Variants in SEMA3B observed in about 807,000 individuals in gnomAD.
SEMA3B encodes the protein semaphorin-3B.
SEMA3B carries 71 observed loss-of-function variants against 77.8 expected under a neutral mutation model. That is an observed-to-expected ratio of 0.91 (90% CI 0.75 to 1.11). SEMA3B has a LOEUF of 1.11. Among genes scored for constraint, SEMA3B ranks in the 50% most tolerant of loss-of-function variants. The pLI, the probability that SEMA3B is intolerant of heterozygous loss-of-function variation, is 0.00. For synonymous variants in SEMA3B, 470 were observed against 452.9 expected (o/e 1.04, Z -0.48); for missense variants, 968 against 1,056.8 (o/e 0.92, Z 1.17).
In SEMA3B at chr3:50,270,224, G is replaced by A; in HGVS notation, c.207G>A (p.Val69=). 1 of 1,611,924 alleles carries A rather than the reference G, an allele frequency of 6.2e-7. No homozygotes were observed. Among genetic ancestry groups the A allele is most frequent in the Non-Finnish European group, 8.5e-7 (1 of 1,179,320 alleles). ...LVDEERGRLF[V]GAENHVASLN... ...ATGAGGAGCGTGGACGCCTGTTTGT[G>A]GGTGCCGAGAACCATGTGGCCTCCC... The change falls in exon 2 of 17, where the codon GTG becomes GTA. Residue 69 remains valine, a synonymous_variant. Coordinates refer to ENST00000616701, the MANE Select transcript of SEMA3B (RefSeq NM_001290060.2). The surrounding 1 kb of genome is among the most constrained non-coding windows in gnomAD (Gnocchi z 4.7).
At chr3:50,264,593 G>A (rs1401334870), upstream of SEMA3B, among the ~76,000 whole-genome samples, 2 of 152,176 alleles carry the variant, frequency 1.3e-5, no homozygotes, top group Admixed American at 6.5e-5. Context: ...CTCCCCCAGA[G>A]CATTCAGAGC....
chr3:50,270,074 G>A lies in SEMA3B; in HGVS notation c.110-53G>A, dbSNP rs2109236480. ...ATAGAGTCACCACCAGGCAGGACCT[G>A]GGGGAGGCTTCCAGCATGGCTGGCG... On this transcript the variant is annotated intron_variant, in intron 1 of 16. Coordinates refer to ENST00000616701, the MANE Select transcript of SEMA3B (RefSeq NM_001290060.2). This position sits in a 1 kb window ranked among gnomAD's most constrained non-coding sequence, Gnocchi z 4.7. 6 of 1,483,588 alleles carry A rather than the reference G, an allele frequency of 4.0e-6. No individual in the cohort carries two copies. The South Asian group carries it at 7.9e-5, about 20-fold the overall frequency. The allele number at this position is 1,483,588 out of a possible 1,614,324, so 91.9% of individuals were successfully genotyped here.
chr3:50,273,393 GC>G lies in SEMA3B; in HGVS notation c.761del (p.Ala254GlyfsTer34), dbSNP rs782745855. 1 of 1,613,754 alleles carries G rather than the reference GC, an allele frequency of 6.2e-7. No individual in the cohort carries two copies. Among genetic ancestry groups the G allele is most frequent in the African/African-American group, 1.3e-5 (1 of 74,950 alleles). ...FFFRETAVEA[A>X]PALGRLSVSR... ...CTTTCGTGAGACGGCGGTAGAGGCG[GC>G]GCCGGCACTGGGACGCCTGTCCGTG... On this transcript the variant is annotated frameshift_variant, in exon 7 of 17. Transcript: ENST00000616701. LOFTEE classifies it high-confidence loss of function. The surrounding 1 kb of genome is among the most constrained non-coding windows in gnomAD (Gnocchi z 6.5).
In SEMA3B at chr3:50,274,204, G is replaced by A. The variant is rs1701144707; in HGVS notation, c.1137+147G>A. 24 of 1,356,232 alleles carry A rather than the reference G, an allele frequency of 1.8e-5. No individual in the cohort carries two copies. Among genetic ancestry groups the A allele is most frequent in the South Asian group, 6.9e-5 (5 of 72,250 alleles). The allele number at this position is 1,356,232 out of a possible 1,614,324, so 84.0% of individuals were successfully genotyped here. ...CATCATAAGACAAGGCTTGTTTCCC[G>A]CCTCTGACTTCCTAGGGCAAGGCTG... On this transcript the variant is annotated intron_variant, in intron 10 of 16. Transcript: ENST00000616701. This position sits in a 1 kb window ranked among gnomAD's most constrained non-coding sequence, Gnocchi z 4.7.
At chr3:50,263,891 G>A (rs2109228702), upstream of SEMA3B, among the ~76,000 whole-genome samples, 1 of 152,128 alleles carries the variant, frequency 6.6e-6, no homozygotes, top group East Asian at 1.9e-4. Flanking sequence ...GGGTCAGAGG[G>A]TTGAGGAAGT....
chr3:50,274,494 A>C lies in SEMA3B; in HGVS notation c.1269A>C (p.Gln423His). ...CTGGGGGGCGCCCTCTTTTCCTACA[A>C]GTTGGAGCCAATTACACCTTCACTC... ...LPTGGRPLFLQVGANYTFTQI... is the reference protein window; with the variant it reads ...LPTGGRPLFLHVGANYTFTQI... The change falls in exon 11 of 17, where the codon CAA becomes CAC. Residue 423 changes from glutamine to histidine, a missense_variant. By Grantham distance (24) the Gln-to-His change is conservative. Coordinates refer to ENST00000616701, the MANE Select transcript of SEMA3B (RefSeq NM_001290060.2). This position sits in a 1 kb window ranked among gnomAD's most constrained non-coding sequence, Gnocchi z 4.7. The C allele has an allele frequency of 6.4e-7, 1 of 1,562,540 alleles. No individual in the cohort carries two copies.
rs1553704920 is a variant in SEMA3B, at chr3:50,269,248, G to A, written c.8G>A (p.Arg3Gln). The change falls in exon 1 of 17, where the codon CGG (arginine) becomes CAG (glutamine). Residue 3 changes from arginine to glutamine, a missense_variant. Transcript: ENST00000616701. The surrounding 1 kb of genome is among the most constrained non-coding windows in gnomAD (Gnocchi z 4.0). ...GCACCCTGAGCTGCTGAGATGGGGC[G>A]GGCCGGGGCTGCCGCCGTGATCCCG... The part of the protein sequence containing the change: MG[R>Q]AGAAAVIPGL... 24 of 1,536,136 alleles carry A rather than the reference G, an allele frequency of 1.6e-5. No homozygotes were observed. Among genetic ancestry groups the A allele is most frequent in the Admixed American group, 5.9e-5 (3 of 50,978 alleles).
Position 50,276,899 on chromosome 3 carries a change from C to A in SEMA3B, c.*193C>A. On this transcript the variant is annotated 3_prime_UTR_variant, in exon 17 of 17. Transcript: ENST00000616701. This position sits in a 1 kb window ranked among gnomAD's most constrained non-coding sequence, Gnocchi z 5.8. ...TTAACAGGATAACCCTTGAATGTAG[C>A]AGCCCCGGGAGGGCGGCACAGGTCG... 1.6e-6 allele frequency: 1 copy of A among 637,046 alleles called. No individual in the cohort carries two copies. Among genetic ancestry groups the A allele is most frequent in the Non-Finnish European group, 2.4e-6 (1 of 412,632 alleles). The allele number at this position is 637,046 out of a possible 1,614,324, so 39.5% of individuals were successfully genotyped here. A position where few individuals can be genotyped will look rare whatever the true frequency, so the allele number is the denominator to read the frequency against.
At chr3:50,265,729 G>C (rs1553704363), upstream of SEMA3B, among the ~76,000 whole-genome samples, 2 of 152,174 alleles carry the variant, frequency 1.3e-5, no homozygotes, top group Non-Finnish European at 2.9e-5. Context: ...AATCCTCGAG[G>C]AGTTCCAGCC....
upstream of SEMA3B, among the ~76,000 whole-genome samples, chr3:50,265,193 G>A (rs1436333849): frequency 7.9e-5 from 12 of 152,210 alleles, no homozygotes; most frequent in Non-Finnish European, 1.5e-4. Context: ...TAGGCCTCAG[G>A]TGATGATCCT....
Position 50,274,268 on chromosome 3 carries a change from TC to T in SEMA3B, c.1138-90del. The T allele has an allele frequency of 8.2e-7, 1 of 1,216,682 alleles. No individual in the cohort carries two copies. Among genetic ancestry groups the T allele is most frequent in the Non-Finnish European group, 1.1e-6 (1 of 873,944 alleles). 75.4% of individuals were successfully genotyped at this position (1,216,682 alleles called of 1,614,324 possible). On this transcript the variant is annotated intron_variant, in intron 10 of 16. Transcript: ENST00000616701. This position sits in a 1 kb window ranked among gnomAD's most constrained non-coding sequence, Gnocchi z 4.7. ...TTCTCAGGGCAGGGTTCTGTCCCCA[TC>T]CCCCTCCATGTTCCCAGAGGCTGGG...
At position 50,275,248 on chromosome 3, in the gene SEMA3B, G is replaced by A. The variant is rs1553706287; in HGVS notation, c.1492-54G>A. The A allele has an allele frequency of 6.8e-7, 1 of 1,476,434 alleles. No individual in the cohort carries two copies. Among genetic ancestry groups the A allele is most frequent in the African/African-American group, 1.4e-5 (1 of 71,104 alleles). 91.5% of individuals were successfully genotyped at this position (1,476,434 alleles called of 1,614,324 possible). A position where few individuals can be genotyped will look rare whatever the true frequency, so the allele number is the denominator to read the frequency against. ...TGGAAGAAGGGATCCCTGACCGATGGGAGGCAGGCGTGGGGTCGCCCTCGG... is the reference window on the plus strand; with the variant it reads ...TGGAAGAAGGGATCCCTGACCGATGAGAGGCAGGCGTGGGGTCGCCCTCGG... On this transcript the variant is annotated intron_variant, in intron 13 of 16. Transcript: ENST00000616701. This position sits in a 1 kb window ranked among gnomAD's most constrained non-coding sequence, Gnocchi z 7.5.
At position 50,270,601 on chromosome 3, in the gene SEMA3B, A is replaced by G; in HGVS notation, c.330+106A>G. 6.7e-7 allele frequency: 1 copy of G among 1,484,612 alleles called. No individual in the cohort carries two copies. Among genetic ancestry groups the G allele is most frequent in the South Asian group, 1.2e-5 (1 of 85,724 alleles). 92.0% of individuals were successfully genotyped at this position (1,484,612 alleles called of 1,614,324 possible). On this transcript the variant is annotated intron_variant, in intron 3 of 16. Transcript: ENST00000616701. This position sits in a 1 kb window ranked among gnomAD's most constrained non-coding sequence, Gnocchi z 4.7. Reference sequence around the variant, plus strand: ...TGCCTGTTCTGGCTGGGATGAGGGCAGGGAGGTCGAGGTGGCTGAGGTCTG... The same window carrying G: ...TGCCTGTTCTGGCTGGGATGAGGGCGGGGAGGTCGAGGTGGCTGAGGTCTG...
chr3:50,267,983 G>T (rs587619814), upstream of SEMA3B, among the ~76,000 whole-genome samples: 1 of 152,206 alleles, frequency 6.6e-6, no homozygotes, highest in Non-Finnish European at 1.5e-5. The surrounding 1 kb of genome is among the most constrained non-coding windows in gnomAD (Gnocchi z 5.7). Flanking sequence ...TAGCAGCCAG[G>T]TCTTTGCCCC....
At position 50,269,578 on chromosome 3, in the gene SEMA3B, C is replaced by T. The variant is rs1293647769; in HGVS notation, c.109+229C>T. ...CTTTCTCAGGAAGACCCCTCCTGTC[C>T]CCACAGCAACAGACCTTGTCTCTGT... On this transcript the variant is annotated intron_variant, in intron 1 of 16. Coordinates refer to ENST00000616701, the MANE Select transcript of SEMA3B (RefSeq NM_001290060.2). This position sits in a 1 kb window ranked among gnomAD's most constrained non-coding sequence, Gnocchi z 4.0. 5.3e-5 allele frequency among the ~76,000 whole-genome samples: 8 copies of T among 152,314 alleles called. No individual in the cohort carries two copies. Among genetic ancestry groups the T allele is most frequent in the Admixed American group, 3.9e-4 (6 of 15,302 alleles).
Position 50,276,121 on chromosome 3 carries a change from G to A in SEMA3B, c.1846-181G>A. On this transcript the variant is annotated intron_variant, in intron 16 of 16. Transcript: ENST00000616701. This position sits in a 1 kb window ranked among gnomAD's most constrained non-coding sequence, Gnocchi z 5.8. ...AGTTCATGTAAACCCCGCCTCTTTC[G>A]GATTCTCCCTTGAAGACCACCAGCT... is the stretch of plus-strand genomic sequence containing the variant. 9 of 889,876 alleles carry A rather than the reference G, an allele frequency of 1.0e-5. No homozygotes were observed. The South Asian group carries it at 1.3e-4, about 13-fold the overall frequency. 55.1% of individuals were successfully genotyped at this position (889,876 alleles called of 1,614,324 possible).
rs1701238152 is a variant in SEMA3B at position 50,276,201 on chromosome 3, C to T, written c.1846-101C>T. The T allele has an allele frequency of 1.4e-6, 2 of 1,393,362 alleles. No individual in the cohort carries two copies. The highest frequency in any genetic ancestry group is 1.5e-5 in the South Asian group (1 of 65,856). The allele number at this position is 1,393,362 out of a possible 1,614,324, so 86.3% of individuals were successfully genotyped here. On this transcript the variant is annotated intron_variant, in intron 16 of 16. Transcript: ENST00000616701. The surrounding 1 kb of genome is among the most constrained non-coding windows in gnomAD (Gnocchi z 5.8). ...TGCGGGCACCCCTTTCCCGCTCCAC[C>T]TCGGCTCCCAATGACTCTTTGCTTC...
chr3:50,270,770 C>T lies in SEMA3B; in HGVS notation c.331-120C>T. On this transcript the variant is annotated intron_variant, in intron 3 of 16. Coordinates refer to ENST00000616701, the MANE Select transcript of SEMA3B (RefSeq NM_001290060.2). The surrounding 1 kb of genome is among the most constrained non-coding windows in gnomAD (Gnocchi z 4.7). ...GCAAGGGCCCCCAGGTCCCTGTAGCCCATGTTAGTACTTGCCTGGGCTGAT... is the reference window on the plus strand; with the variant it reads ...GCAAGGGCCCCCAGGTCCCTGTAGCTCATGTTAGTACTTGCCTGGGCTGAT... 1 of 1,469,388 alleles carries T rather than the reference C, an allele frequency of 6.8e-7. No individual in the cohort carries two copies. The highest frequency in any genetic ancestry group is 9.2e-7 in the Non-Finnish European group (1 of 1,090,946). 91.0% of individuals were successfully genotyped at this position (1,469,388 alleles called of 1,614,324 possible).
chr3:50,273,260 G>T lies in SEMA3B; in HGVS notation c.665-38G>T. On this transcript the variant is annotated intron_variant, in intron 6 of 16. Transcript: ENST00000616701. The surrounding 1 kb of genome is among the most constrained non-coding windows in gnomAD (Gnocchi z 6.5). ...CGTGGGTCTCGCATCAGGAGGCAAGGCCAGGACCCGCTGACCCATGCCTCC... is the reference window on the plus strand; with the variant it reads ...CGTGGGTCTCGCATCAGGAGGCAAGTCCAGGACCCGCTGACCCATGCCTCC... The T allele has an allele frequency of 6.3e-7, 1 of 1,598,810 alleles. No individual in the cohort carries two copies. Among genetic ancestry groups the T allele is most frequent in the Non-Finnish European group, 8.5e-7 (1 of 1,172,310 alleles).
Sources: allele counts gnomAD v4.1 joint callset (sites outside exome capture counted in the v4.1 genomes callset), GRCh38; gene constraint gnomAD v4.1.1; non-coding constraint Gnocchi (gnomAD v3.1); transcripts MANE v1.5; gene names NCBI Gene and HGNC (gene_info 2026-07-23, HGNC 2026-07-21).